CCDC88C: variants seen among roughly 807,000 people sequenced by gnomAD.
CCDC88C encodes protein Daple.
CCDC88C carries 131 observed loss-of-function variants against 198.8 expected under a neutral mutation model. The observed-to-expected ratio is 0.66, with a 90% confidence interval of 0.57 to 0.76. The LOEUF (loss-of-function observed/expected upper bound fraction) is 0.76, where lower values mean the gene tolerates loss of function less well. Among genes scored for constraint, CCDC88C ranks in the 30% least tolerant of loss-of-function variants. The pLI is 0.00. For missense variants in CCDC88C, 2,553 were observed against 2,631.6 expected, an observed-to-expected ratio of 0.97 and a Z score of 0.65; for synonymous variants, 1,166 against 1,114.7, an observed-to-expected ratio of 1.05 and a Z score of -0.92.
intron 4 of CCDC88C, among the ~76,000 whole-genome samples, chr14:91,348,540 ACAGAG>A (rs1893650130): frequency 6.6e-6 from 1 of 152,080 alleles, no homozygotes; most frequent in Non-Finnish European, 1.5e-5. Flanking sequence ...CTGTTTGGTG[ACAGAG>A]CAAACGGTTC....
At position 91,273,700 on chromosome 14, in the gene CCDC88C, G is replaced by C. The variant is rs1889842307; in HGVS notation, c.5059-47C>G. 1.4e-6 allele frequency: 2 copies of C among 1,405,718 alleles called. No individual in the cohort carries two copies. Among genetic ancestry groups the C allele is most frequent in the Non-Finnish European group, 1.9e-6 (2 of 1,073,048 alleles). 87.1% of individuals were successfully genotyped at this position (1,405,718 alleles called of 1,614,324 possible). On this transcript the variant is annotated intron_variant, in intron 29 of 29. Coordinates refer to ENST00000389857, the MANE Select transcript of CCDC88C (RefSeq NM_001080414.4). The surrounding 1 kb of genome is among the most constrained non-coding windows in gnomAD (Gnocchi z 5.6). ...TTGGAGGTGGGCATGAGGGTTGGGT[G>C]GGTCCTTGGAGCCGCCTCCTGCGCG...
intron 3 of CCDC88C, among the ~76,000 whole-genome samples, chr14:91,389,982 G>C (rs1320406228): frequency 1.3e-4 from 20 of 151,882 alleles, no homozygotes; most frequent in Non-Finnish European, 7.4e-5. Flanking sequence ...TGAGGCAGGA[G>C]AATGGCGTGA....
rs577277907 is a variant in CCDC88C at position 91,400,377 on chromosome 14, A to G, written c.270+8282T>C. Among the ~76,000 whole-genome samples the G allele has an allele frequency of 6.6e-5, 10 of 152,372 alleles. No individual in the cohort carries two copies. The South Asian group carries it at 2.1e-3, about 32-fold the overall frequency. On this transcript the variant is annotated intron_variant, in intron 3 of 29. Transcript: ENST00000389857. ...GCCCTCCTCAGGCACATCTCCCAGC[A>G]GTCTGGAGGGTTCGCTCTTGAATTC... is the stretch of plus-strand genomic sequence containing the variant.
chr14:91,348,393 G>A (rs1007584524), intron 4 of CCDC88C, among the ~76,000 whole-genome samples: 4 of 151,116 alleles, frequency 2.6e-5, no homozygotes, highest in East Asian at 1.9e-4. Flanking sequence ...TAGGAGGATC[G>A]CCTGAGCCTG....
At chr14:91,343,450 C>T (rs2139869205) in intron 5 of CCDC88C, 149 bp downstream of exon 5, 15 of 1,402,454 alleles carry the variant, frequency 1.1e-5, no homozygotes, top group Non-Finnish European at 1.4e-5. Flanking sequence ...AAACAATGGC[C>T]ACTCTCTTCC....
rs768684240 is a variant in CCDC88C, at chr14:91,381,978, T to C, written c.271-22267A>G. Among the ~76,000 whole-genome samples the C allele has an allele frequency of 7.2e-5, 11 of 152,164 alleles. No homozygotes were observed. Among genetic ancestry groups the C allele is most frequent in the Non-Finnish European group, 1.5e-4 (10 of 68,048 alleles). On this transcript the variant is annotated intron_variant, in intron 3 of 29. Coordinates refer to ENST00000389857, the MANE Select transcript of CCDC88C (RefSeq NM_001080414.4). The surrounding 1 kb of genome is among the most constrained non-coding windows in gnomAD (Gnocchi z 4.2). The stretch of plus-strand genomic sequence containing the variant: ...ATCACGACATCTTGTCTTCATTGTT[T>C]CACACTTTGACTCATCCTCTACTAG...
intron 23 of CCDC88C, among the ~76,000 whole-genome samples, chr14:91,293,316 C>T (rs1280514354): frequency 5.5e-5 from 2 of 36,640 alleles, no homozygotes; most frequent in Non-Finnish European, 1.3e-4. Context: ...GCCCACCTTC[C>T]CATCCTCACC....
chr14:91,279,196 C>T, intron 28 of CCDC88C, 42 bp downstream of exon 28: 5 of 1,530,922 alleles, frequency 3.3e-6, no homozygotes, highest in Non-Finnish European at 4.4e-6. Flanking sequence ...CTGTGCCTGG[C>T]CCAAATCAAT....
intron 28 of CCDC88C, among the ~76,000 whole-genome samples, chr14:91,278,889 C>CCTT (rs753727388): frequency 1.8e-5 from 1 of 54,506 alleles, no homozygotes; most frequent in Non-Finnish European, 3.1e-5. Context: ...ACCAAATACA[C>CCTT]TTTTTTTTTT....
chr14:91,381,630 C>T lies in CCDC88C; in HGVS notation c.271-21919G>A, dbSNP rs965251180. ...GGTGGATCAATTGAAGTCAGGAGTT[C>T]GAGACCACCCTGGCCAACTTGGTGA... On this transcript the variant is annotated intron_variant, in intron 3 of 29. Coordinates refer to ENST00000389857, the MANE Select transcript of CCDC88C (RefSeq NM_001080414.4). This position sits in a 1 kb window ranked among gnomAD's most constrained non-coding sequence, Gnocchi z 4.2. Among the ~76,000 whole-genome samples the T allele has an allele frequency of 7.9e-5, 12 of 152,092 alleles. No homozygotes were observed. Among genetic ancestry groups the T allele is most frequent in the African/African-American group, 2.4e-4 (10 of 41,404 alleles).
At chr14:91,410,342 G>A (rs1200162911) in intron 2 of CCDC88C, among the ~76,000 whole-genome samples, 1 of 152,162 alleles carries the variant, frequency 6.6e-6, no homozygotes, top group East Asian at 1.9e-4. Flanking sequence ...ACCCCGTGAT[G>A]AAGGTGCTGA....
At chr14:91,297,543 G>A in intron 21 of CCDC88C, 52 bp from the exon 22 acceptor site, 1 of 1,533,550 alleles carries the variant, frequency 6.5e-7, no homozygotes, top group Non-Finnish European at 8.8e-7. Flanking sequence ...TGACAAACAG[G>A]TAACGGCCCA....
chr14:91,327,117 T>G (rs1483966364), intron 10 of CCDC88C, among the ~76,000 whole-genome samples: 1 of 152,222 alleles, frequency 6.6e-6, no homozygotes, highest in African/African-American at 2.4e-5. Flanking sequence ...CCCAAATGCC[T>G]TCGCAGGTTA....
intron 3 of CCDC88C, among the ~76,000 whole-genome samples, chr14:91,375,251 G>A (rs989820965): frequency 2.0e-5 from 3 of 152,250 alleles, no homozygotes; most frequent in Non-Finnish European, 4.4e-5. Flanking sequence ...GTTAGCATGC[G>A]CGCGTGTCTG....
Position 91,291,000 on chromosome 14 carries a change from TGGA to T in CCDC88C, c.4194_4196del (p.Pro1399del). 1 of 1,571,674 alleles carries T rather than the reference TGGA, an allele frequency of 6.4e-7. No homozygotes were observed. The highest frequency in any genetic ancestry group is 8.7e-7 in the Non-Finnish European group (1 of 1,148,078). On this transcript the variant is annotated inframe_deletion, in exon 24 of 30. Transcript: ENST00000389857. ...CTACACTTAAATCAACTCACTTCTT[TGGA>T]GGAGGATCATAGAACTTGTATTGAT...
chr14:91,352,813 G>A lies in CCDC88C; in HGVS notation c.340+6829C>T, dbSNP rs1227214308. On this transcript the variant is annotated intron_variant, in intron 4 of 29. Transcript: ENST00000389857. This position sits in a 1 kb window ranked among gnomAD's most constrained non-coding sequence, Gnocchi z 4.2. ...TGAGCAGGCATGGAGCCAGGGGCAG[G>A]ACTGGGAGGGCCGCAGGGCCAGGAA... Among the ~76,000 whole-genome samples, 1 of 152,234 alleles carries A rather than the reference G, an allele frequency of 6.6e-6. No individual in the cohort carries two copies. Among genetic ancestry groups the A allele is most frequent in the Non-Finnish European group, 1.5e-5 (1 of 68,052 alleles).
Position 91,273,050 on chromosome 14 carries a change from G to A in CCDC88C, c.5662C>T (p.Leu1888=), listed in dbSNP as rs777000983. 12 of 1,556,274 alleles carry A rather than the reference G, an allele frequency of 7.7e-6. No homozygotes were observed. The South Asian group carries it at 1.1e-4, about 14-fold the overall frequency. The change falls in exon 30 of 30, where the codon CTG becomes TTG. Residue 1888 remains leucine, a synonymous_variant. Transcript: ENST00000389857. The surrounding 1 kb of genome is among the most constrained non-coding windows in gnomAD (Gnocchi z 5.6). ...AGCCTCTCCTCCTTTGGGGGAGCCA[G>A]GGAGAAGCGCCTCGTGTCCAGCGGC... is the stretch of plus-strand genomic sequence containing the variant. ...SRPLDTRRFS[L]APPKEERLAP...
chr14:91,320,278 T>G (rs57727048), intron 13 of CCDC88C, among the ~76,000 whole-genome samples: 13,058 of 152,204 alleles, frequency 0.086, 783 homozygotes, highest in African/African-American at 0.17. Flanking sequence ...GCCTGGAGGT[T>G]GAGCTAATCA....
chr14:91,366,088 T>C (rs1227586419), intron 3 of CCDC88C, among the ~76,000 whole-genome samples: 1 of 151,756 alleles, frequency 6.6e-6, no homozygotes, highest in Admixed American at 6.6e-5. Context: ...ACAGAGACCA[T>C]ATAGTCAGAG....
Sources: gnomAD v4.1 joint callset for allele counts (sites outside exome capture counted in the v4.1 genomes callset) on GRCh38, gnomAD v4.1.1 for gene constraint, Gnocchi (gnomAD v3.1) non-coding constraint, MANE v1.5 for transcripts, NCBI Gene and HGNC (gene_info 2026-07-23, HGNC 2026-07-21) for gene names.